The following ATXN1 variants were observed in gnomAD, a reference collection of about 807,000 sequenced individuals.
ATXN1 encodes the protein ataxin-1.
In ATXN1, 8 loss-of-function variants were observed where a neutral mutation model predicts 56.4. The observed-to-expected ratio is 0.14, with a 90% CI of 0.08 to 0.26. ATXN1 has a LOEUF of 0.26. Ranked by LOEUF, ATXN1 falls within the 10% of genes least tolerant of loss-of-function variation. ATXN1 has a pLI of 1.00. For synonymous variants in ATXN1, 514 were observed against 494.6 expected (o/e 1.04, Z -0.52); for missense variants, 987 against 1,106.5 (o/e 0.89, Z 1.53).
intron 2 of ATXN1, among the ~76,000 whole-genome samples, chr6:16,673,263 G>A (rs1758585754): frequency 6.6e-6 from 1 of 152,096 alleles, no homozygotes; most frequent in African/African-American, 2.4e-5. Flanking sequence ...AGAAACTCAG[G>A]TCACCTCTAA....
intron 2 of ATXN1, among the ~76,000 whole-genome samples, chr6:16,678,251 G>C (rs1332699462): frequency 9.0e-6 from 1 of 110,748 alleles, no homozygotes; most frequent in Non-Finnish European, 1.9e-5. Context: ...CTGACTTCTT[G>C]GATATCTATT....
intron 4 of ATXN1, among the ~76,000 whole-genome samples, chr6:16,553,472 C>T (rs544302004): frequency 2.6e-5 from 4 of 152,200 alleles, no homozygotes; most frequent in East Asian, 1.9e-4. Context: ...TCTCAGTGCA[C>T]GGTAATTGAC....
chr6:16,502,708 T>C (rs1346065301), intron 5 of ATXN1, among the ~76,000 whole-genome samples: 2 of 151,976 alleles, frequency 1.3e-5, no homozygotes, highest in African/African-American at 4.8e-5. Context: ...ACAAGAAAAC[T>C]CAGAAAAAAT....
At chr6:16,319,170 A>G (rs925013125) in intron 7 of ATXN1, among the ~76,000 whole-genome samples, 1 of 151,888 alleles carries the variant, frequency 6.6e-6, no homozygotes, top group African/African-American at 2.4e-5. Flanking sequence ...GTGAGCTATT[A>G]TGGTGTCACT....
intron 2 of ATXN1, among the ~76,000 whole-genome samples, chr6:16,705,165 T>C (rs531432029): frequency 6.6e-6 from 1 of 152,272 alleles, no homozygotes; most frequent in South Asian, 2.1e-4. Flanking sequence ...GGGGGAGGGC[T>C]AAAGTGAAGG....
At chr6:16,699,719 T>C (rs1759241812) in intron 2 of ATXN1, among the ~76,000 whole-genome samples, 1 of 152,176 alleles carries the variant, frequency 6.6e-6, no homozygotes, top group South Asian at 2.1e-4. Flanking sequence ...ACGTAAGACC[T>C]CACCAACTTC....
chr6:16,402,566 T>C (rs1177965316), intron 6 of ATXN1, among the ~76,000 whole-genome samples: 1 of 152,160 alleles, frequency 6.6e-6, no homozygotes, highest in African/African-American at 2.4e-5. Context: ...TTATGAGATC[T>C]TTCCCACTGC....
chr6:16,449,023 A>G (rs1236270786), intron 6 of ATXN1, among the ~76,000 whole-genome samples: 1 of 152,176 alleles, frequency 6.6e-6, no homozygotes, highest in Non-Finnish European at 1.5e-5. Flanking sequence ...TGGCATTGCC[A>G]CAACTACTAA....
chr6:16,320,898 A>G (rs896924827), intron 7 of ATXN1, among the ~76,000 whole-genome samples: 12 of 152,368 alleles, frequency 7.9e-5, no homozygotes, highest in Middle Eastern at 3.4e-3. Flanking sequence ...CAGGCAGGGT[A>G]AAAATGGCTT....
At chr6:16,585,437 C>T (rs1762604510) in intron 4 of ATXN1, among the ~76,000 whole-genome samples, 1 of 152,102 alleles carries the variant, frequency 6.6e-6, no homozygotes, top group Non-Finnish European at 1.5e-5. Flanking sequence ...TTAATAATCT[C>T]TACTACTTCT....
intron 2 of ATXN1, among the ~76,000 whole-genome samples, chr6:16,746,532 C>T (rs1760542531): frequency 6.6e-6 from 1 of 152,184 alleles, no homozygotes; most frequent in African/African-American, 2.4e-5. Context: ...AGAGCTTCTG[C>T]ACTCCTCTTG....
chr6:16,505,804 A>C (rs1760973400), intron 5 of ATXN1, among the ~76,000 whole-genome samples: 1 of 152,212 alleles, frequency 6.6e-6, no homozygotes. Flanking sequence ...GAGAACATAA[A>C]CTACTATGCG....
rs570007601 is a variant in ATXN1, at chr6:16,659,120, G to A, written c.-614-1219C>T. On this transcript the variant is annotated intron_variant, in intron 2 of 7. Transcript: ENST00000436367. ...TTTGAGGAGGAGAAAGTGTCTCTCC[G>A]TTAATGTTTAAACATGTGAGTTGAG... Among the ~76,000 whole-genome samples the A allele has an allele frequency of 1.1e-3, 167 of 152,258 alleles. 1 individual carries two copies. The highest frequency in any genetic ancestry group is 2.7e-3 in the African/African-American group (111 of 41,542).
intron 6 of ATXN1, among the ~76,000 whole-genome samples, chr6:16,352,469 A>G (rs1761590701): frequency 6.6e-6 from 1 of 152,166 alleles, no homozygotes; most frequent in Non-Finnish European, 1.5e-5. Context: ...AACAAAACGC[A>G]TGGATTTACA....
At chr6:16,415,217 G>GT (rs1200472588) in intron 6 of ATXN1, among the ~76,000 whole-genome samples, 1 of 152,060 alleles carries the variant, frequency 6.6e-6, no homozygotes, top group East Asian at 1.9e-4. Context: ...ACAATAAGTG[G>GT]TTTTTTTGTT....
intron 5 of ATXN1, among the ~76,000 whole-genome samples, chr6:16,521,432 C>T (rs1452790914): frequency 6.6e-6 from 1 of 152,148 alleles, no homozygotes; most frequent in Admixed American, 6.5e-5. Flanking sequence ...GTGGCAGGCA[C>T]CTGTAGTCCC....
At chr6:16,344,489 A>T (rs1761333967) in intron 6 of ATXN1, among the ~76,000 whole-genome samples, 1 of 152,244 alleles carries the variant, frequency 6.6e-6, no homozygotes, top group Non-Finnish European at 1.5e-5. Flanking sequence ...AGGCAGAAGA[A>T]CGTAGAAGGA....
At chr6:16,317,498 T>A (rs1224421066) in intron 7 of ATXN1, among the ~76,000 whole-genome samples, 2 of 152,120 alleles carry the variant, frequency 1.3e-5, no homozygotes, top group Non-Finnish European at 2.9e-5. Context: ...CTAATTTTTT[T>A]GTATTTAGTA....
intron 6 of ATXN1, among the ~76,000 whole-genome samples, chr6:16,459,039 G>C (rs371771979): frequency 2.0e-5 from 3 of 152,186 alleles, no homozygotes; most frequent in Admixed American, 2.0e-4. Context: ...ACCATCCAAG[G>C]AATCCTGGGA....
Sources: gnomAD v4.1 joint callset for allele counts (sites outside exome capture counted in the v4.1 genomes callset) on GRCh38, gnomAD v4.1.1 for gene constraint, MANE v1.5 for transcripts, NCBI Gene and HGNC (gene_info 2026-07-23, HGNC 2026-07-21) for gene names.